The following CCDC81 variants were observed in gnomAD, a reference collection of about 807,000 sequenced individuals.
The protein encoded by CCDC81 is coiled-coil domain containing 81.
Under a neutral mutation model 83.7 loss-of-function variants are expected in CCDC81, and 79 were observed. That is an observed-to-expected ratio of 0.94 (90% confidence interval 0.79 to 1.14). The LOEUF is 1.14. Ranked by LOEUF, CCDC81 falls within the 50% of genes most tolerant of loss-of-function variation. The pLI is 0.00. For missense variants in CCDC81, 791 were observed against 778.1 expected, an observed-to-expected ratio of 1.02 and a Z score of -0.20; for synonymous variants, 252 against 278.1, an observed-to-expected ratio of 0.91 and a Z score of 0.93.
At position 86,374,927 on chromosome 11, in the gene CCDC81, G is replaced by A. The variant is rs973827238; in HGVS notation, c.-237G>A. On this transcript the variant is annotated 5_prime_UTR_variant, in exon 1 of 15. Coordinates refer to ENST00000445632, the MANE Select transcript of CCDC81 (RefSeq NM_001156474.2). ...TCAGTTCCTGCGGCTCTTGCTGTGGGAGCTGCCCGAGAGCCAGAGCAGTGG... is the reference window on the plus strand; with the variant it reads ...TCAGTTCCTGCGGCTCTTGCTGTGGAAGCTGCCCGAGAGCCAGAGCAGTGG... 2 of 485,228 alleles carry A rather than the reference G, an allele frequency of 4.1e-6. No homozygotes were observed. The highest frequency in any genetic ancestry group is 3.9e-5 in the African/African-American group (2 of 50,894). 30.1% of individuals were successfully genotyped at this position (485,228 alleles called of 1,614,324 possible). A position where few individuals can be genotyped will look rare whatever the true frequency, so the allele number is the denominator to read the frequency against.
In CCDC81 at chr11:86,419,915, C is replaced by T. The variant is rs368897220; in HGVS notation, c.1692-13C>T. 21 of 1,607,710 alleles carry T rather than the reference C, an allele frequency of 1.3e-5. No homozygotes were observed. Among genetic ancestry groups the T allele is most frequent in the East Asian group, 4.5e-5 (2 of 44,840 alleles). On this transcript the variant is annotated splice_polypyrimidine_tract_variant and intron_variant, in intron 13 of 14. Coordinates refer to ENST00000445632, the MANE Select transcript of CCDC81 (RefSeq NM_001156474.2). ...CCAAGTATTATGGAGCCAGGCTGTT[C>T]TTTTCTCTCCAGGCACTTGGCAGAC...
chr11:86,401,093 T>C (rs1420472335), intron 7 of CCDC81, among the ~76,000 whole-genome samples: 1 of 152,148 alleles, frequency 6.6e-6, no homozygotes, highest in Non-Finnish European at 1.5e-5. Flanking sequence ...GATTTGGGCT[T>C]CCCAAATCTA....
chr11:86,387,815 A>T, intron 3 of CCDC81, 143 bp downstream of exon 3: 4 of 614,826 alleles, frequency 6.5e-6, no homozygotes, highest in Non-Finnish European at 5.5e-6. Context: ...TGGCAGAGGG[A>T]GGGGCCAAAG....
intron 1 of CCDC81, among the ~76,000 whole-genome samples, chr11:86,376,696 G>A (rs1382601581): frequency 6.6e-6 from 1 of 152,176 alleles, no homozygotes; most frequent in Non-Finnish European, 1.5e-5. Context: ...ATATCAGACA[G>A]AGATGTCCCA....
chr11:86,386,326 T>A (rs944397184), intron 2 of CCDC81, among the ~76,000 whole-genome samples: 1 of 152,128 alleles, frequency 6.6e-6, no homozygotes, highest in Non-Finnish European at 1.5e-5. Context: ...ATTTTATTTT[T>A]AGGTAATGAA....
intron 7 of CCDC81, 30 bp from the exon 8 acceptor site, chr11:86,407,584 A>C (rs775452415): frequency 5.3e-5 from 76 of 1,445,578 alleles, no homozygotes; most frequent in Non-Finnish European, 6.6e-5. Context: ...ATTGTATTAA[A>C]CATTAATTAA....
intron 7 of CCDC81, among the ~76,000 whole-genome samples, chr11:86,403,500 A>C (rs888113444): frequency 6.6e-6 from 1 of 152,198 alleles, no homozygotes; most frequent in African/African-American, 2.4e-5. Flanking sequence ...ATATTCTTTT[A>C]GAAGAGTAAA....
intron 13 of CCDC81, among the ~76,000 whole-genome samples, chr11:86,416,048 A>G (rs1841333538): frequency 6.6e-6 from 1 of 152,140 alleles, no homozygotes; most frequent in Non-Finnish European, 1.5e-5. Flanking sequence ...GATTTCTTTA[A>G]TGACTAGTGA....
chr11:86,419,595 G>A (rs1045809563), intron 13 of CCDC81: 3 of 173,384 alleles, frequency 1.7e-5, no homozygotes, highest in Non-Finnish European at 3.6e-5. Flanking sequence ...GAAAGAAACA[G>A]AGTATAGGAA....
chr11:86,382,174 G>C (rs1389281601), intron 1 of CCDC81, among the ~76,000 whole-genome samples: 2 of 152,144 alleles, frequency 1.3e-5, no homozygotes, highest in African/African-American at 4.8e-5. Flanking sequence ...TGGAGGTCAA[G>C]GAGAAGTTGA....
At position 86,397,684 on chromosome 11, in the gene CCDC81, G is replaced by C. The variant is rs2138517076; in HGVS notation, c.699G>C (p.Glu233Asp). 1.2e-6 allele frequency: 2 copies of C among 1,613,878 alleles called. No homozygotes were observed. Among genetic ancestry groups the C allele is most frequent in the Non-Finnish European group, 1.7e-6 (2 of 1,179,932 alleles). Residue 233 changes from glutamate (E) to aspartate (D), a missense_variant, in exon 6 of 15, where the codon GAG becomes GAC. Glu to Asp is a conservative substitution (Grantham distance 45). Transcript: ENST00000445632. ...PMETLVEECG[E>D]NRERKCKLKD... The stretch of plus-strand genomic sequence containing the variant: ...AGACCCTTGTAGAAGAATGTGGAGA[G>C]AATAGAGAAAGGAAGTGCAAGTTAA...
At chr11:86,411,692 C>A (rs1391988454) in intron 10 of CCDC81, among the ~76,000 whole-genome samples, 2 of 152,214 alleles carry the variant, frequency 1.3e-5, no homozygotes, top group African/African-American at 4.8e-5. Context: ...TCACAACCTA[C>A]TCCAGGAGTC....
In CCDC81 at chr11:86,420,496, T is replaced by G. The variant is rs148444846; in HGVS notation, c.1817+443T>G. Among the ~76,000 whole-genome samples the G allele has an allele frequency of 1.4e-4, 21 of 152,268 alleles. No individual in the cohort carries two copies. The East Asian group carries it at 3.9e-3, about 28-fold the overall frequency. ...GCCAACCAAGAGCATCTTTCTGAAA[T>G]TATTATATGCCTGCCCAATCCTCAG... On this transcript the variant is annotated intron_variant, in intron 14 of 14. Transcript: ENST00000445632.
chr11:86,375,083 G>C lies in CCDC81; in HGVS notation c.-81G>C. ...CCGTGGAGAAGGGGCTGGAGGGTGG[G>C]AAAATTATTTTTGTGCACATTCCAT... On this transcript the variant is annotated 5_prime_UTR_variant, in exon 1 of 15. Coordinates refer to ENST00000445632, the MANE Select transcript of CCDC81 (RefSeq NM_001156474.2). The C allele has an allele frequency of 7.8e-7, 1 of 1,280,246 alleles. No homozygotes were observed. Among genetic ancestry groups the C allele is most frequent in the Non-Finnish European group, 1.1e-6 (1 of 877,560 alleles). 79.3% of individuals were successfully genotyped at this position (1,280,246 alleles called of 1,614,324 possible). A position where few individuals can be genotyped will look rare whatever the true frequency, so the allele number is the denominator to read the frequency against.
chr11:86,397,958 T>G (rs921457081), intron 6 of CCDC81, among the ~76,000 whole-genome samples: 1 of 152,020 alleles, frequency 6.6e-6, no homozygotes. Flanking sequence ...CAAGCGACTC[T>G]CCTGCCTCAG....
intron 7 of CCDC81, among the ~76,000 whole-genome samples, chr11:86,406,321 C>T (rs1407827446): frequency 6.6e-6 from 1 of 152,072 alleles, no homozygotes; most frequent in Non-Finnish European, 1.5e-5. Flanking sequence ...TTTCTTGTAG[C>T]TTTTAAGAAT....
At position 86,386,094 on chromosome 11, in the gene CCDC81, G is replaced by T. The variant is rs890160168; in HGVS notation, c.123G>T (p.Arg41=). Residue 41 remains arginine, a synonymous_variant, in exon 2 of 15, where the codon CGG becomes CGT. Coordinates refer to ENST00000445632, the MANE Select transcript of CCDC81 (RefSeq NM_001156474.2). ...IWGNVSEFVR[R]QLTLHKGVQI... The stretch of plus-strand genomic sequence containing the variant: ...GGAATGTATCAGAATTTGTGAGACG[G>T]CAGTTAACCCTGCACAAGGTAAGAT... 1 of 1,489,586 alleles carries T rather than the reference G, an allele frequency of 6.7e-7. No homozygotes were observed. Among genetic ancestry groups the T allele is most frequent in the Non-Finnish European group, 9.1e-7 (1 of 1,096,690 alleles). The allele number at this position is 1,489,586 out of a possible 1,614,324, so 92.3% of individuals were successfully genotyped here. A position where few individuals can be genotyped will look rare whatever the true frequency, so the allele number is the denominator to read the frequency against.
In CCDC81 at chr11:86,386,108, A is replaced by G. The variant is rs1367226600; in HGVS notation, c.137A>G (p.His46Arg). 4 of 1,372,888 alleles carry G rather than the reference A, an allele frequency of 2.9e-6. No homozygotes were observed. The Admixed American group carries it at 5.9e-5, about 20-fold the overall frequency. 85.0% of individuals were successfully genotyped at this position (1,372,888 alleles called of 1,614,324 possible). A position where few individuals can be genotyped will look rare whatever the true frequency, so the allele number is the denominator to read the frequency against. ...TTTGTGAGACGGCAGTTAACCCTGC[A>G]CAAGGTAAGATTTATTAATTTATTA... The part of the protein sequence containing the change: ...SEFVRRQLTL[H>R]KGVQIPAFGT... Residue 46 changes from histidine (H) to arginine (R), a missense_variant, in exon 2 of 15, where the codon CAC becomes CGC. Transcript: ENST00000445632.
At chr11:86,418,286 A>G (rs1390557234) in intron 13 of CCDC81, among the ~76,000 whole-genome samples, 1 of 152,232 alleles carries the variant, frequency 6.6e-6, no homozygotes, top group Non-Finnish European at 1.5e-5. Context: ...TTGCTATGGA[A>G]AACAGTATGG....
Sources: gnomAD v4.1 joint callset for allele counts (sites outside exome capture counted in the v4.1 genomes callset) on GRCh38, gnomAD v4.1.1 for gene constraint, MANE v1.5 for transcripts, NCBI Gene and HGNC (gene_info 2026-07-23, HGNC 2026-07-21) for gene names.